The following LARGE1 variants were observed in gnomAD, a reference collection of about 807,000 sequenced individuals.
LARGE1 encodes LARGE xylosyl- and glucuronyltransferase 1.
A neutral mutation model predicts 87.6 loss-of-function variants in LARGE1; 43 were observed. The observed-to-expected ratio is 0.49, with a 90% confidence interval of 0.38 to 0.63. The LOEUF (loss-of-function observed/expected upper bound fraction) is 0.63, where lower values mean the gene tolerates loss of function less well. LARGE1 is among the 30% of genes least tolerant of loss of function. The pLI is 0.00. For missense variants in LARGE1, 802 were observed against 1,000.2 expected (o/e 0.80, Z 2.67); for synonymous variants, 434 against 394.6 (o/e 1.10, Z -1.18).
chr22:33,667,405 G>T (rs1335093285), intron 2 of LARGE1, among the ~76,000 whole-genome samples: 1 of 152,194 alleles, frequency 6.6e-6, no homozygotes, highest in Admixed American at 6.5e-5. Flanking sequence ...CCTCCTACAG[G>T]AAAGGATGCC....
chr22:33,745,885 C>T (rs1284197453), intron 2 of LARGE1, among the ~76,000 whole-genome samples: 1 of 152,134 alleles, frequency 6.6e-6, no homozygotes, highest in Non-Finnish European at 1.5e-5. Flanking sequence ...ACCAACTCTA[C>T]CTGATCCCTG....
chr22:33,534,163 G>A (rs1602294559), intron 6 of LARGE1, among the ~76,000 whole-genome samples: 2 of 152,048 alleles, frequency 1.3e-5, no homozygotes, highest in Admixed American at 6.5e-5. Flanking sequence ...CCAGCACTTT[G>A]GGAGGCCGAG....
At chr22:33,312,438 CAA>C (rs370832626) in intron 11 of LARGE1, among the ~76,000 whole-genome samples, 6 of 56,424 alleles carry the variant, frequency 1.1e-4, no homozygotes, top group Admixed American at 2.0e-4. Flanking sequence ...GACTCTGTCT[CAA>C]AAAAAAAAAA....
intron 9 of LARGE1, among the ~76,000 whole-genome samples, chr22:33,344,364 C>T (rs1939499354): frequency 1.3e-5 from 2 of 149,598 alleles, no homozygotes; most frequent in African/African-American, 4.9e-5. Flanking sequence ...ATACTCTCTT[C>T]CTGAAACTTA....
the LARGE1 span, among the ~76,000 whole-genome samples, chr22:33,148,871 G>C: frequency 1.3e-5 from 2 of 151,654 alleles, no homozygotes; most frequent in South Asian, 4.2e-4. Context: ...TATCCTCTTT[G>C]GTGCAATGTC....
At chr22:33,459,568 T>A (rs2068286306) in intron 6 of LARGE1, among the ~76,000 whole-genome samples, 1 of 152,080 alleles carries the variant, frequency 6.6e-6, no homozygotes. Context: ...ATCTGATATT[T>A]ACATTGCACT....
In LARGE1 at chr22:33,807,846, C is replaced by T. The variant is rs1014899514; in HGVS notation, c.-82-46288G>A. 7.2e-5 allele frequency among the ~76,000 whole-genome samples: 11 copies of T among 152,088 alleles called. 1 individual carries two copies. The highest frequency in any genetic ancestry group is 4.6e-4 in the Admixed American group (7 of 15,286). ...CATGGCTTGATGGCTCATTTCTTTTCGGCGCTGAATAATATTCCATTGCCT... is the reference window on the plus strand; with the variant it reads ...CATGGCTTGATGGCTCATTTCTTTTTGGCGCTGAATAATATTCCATTGCCT... On this transcript the variant is annotated intron_variant, in intron 1 of 14. Coordinates refer to ENST00000397394, the MANE Select transcript of LARGE1 (RefSeq NM_133642.5).
At chr22:33,613,441 C>T (rs1238512777) in intron 4 of LARGE1, among the ~76,000 whole-genome samples, 1 of 152,184 alleles carries the variant, frequency 6.6e-6, no homozygotes, top group Non-Finnish European at 1.5e-5. Flanking sequence ...TTTCACATCC[C>T]ACAGGTCCCT....
the LARGE1 span, among the ~76,000 whole-genome samples, chr22:33,112,163 G>A: frequency 1.8e-4 from 27 of 152,356 alleles, no homozygotes; most frequent in African/African-American, 6.3e-4. Context: ...GCTGGAGCTG[G>A]CAGCCCAGTT....
chr22:33,349,351 T>C (rs545093728), intron 9 of LARGE1, among the ~76,000 whole-genome samples: 20 of 152,336 alleles, frequency 1.3e-4, no homozygotes, highest in South Asian at 1.2e-3. Context: ...GAGAATCTAA[T>C]ATAGGTGTTC....
At chr22:33,614,789 T>C (rs1426945984) in intron 4 of LARGE1, among the ~76,000 whole-genome samples, 1 of 152,188 alleles carries the variant, frequency 6.6e-6, no homozygotes. Context: ...CTACCCTCCA[T>C]GAGACTGTCA....
intron 1 of LARGE1, among the ~76,000 whole-genome samples, chr22:33,762,551 T>C (rs2084771846): frequency 6.6e-6 from 1 of 152,130 alleles, no homozygotes; most frequent in Non-Finnish European, 1.5e-5. Context: ...CTAGGGACTA[T>C]CTTCATAGCT....
At chr22:33,453,721 C>T (rs768001327) in intron 6 of LARGE1, among the ~76,000 whole-genome samples, 4 of 152,180 alleles carry the variant, frequency 2.6e-5, no homozygotes, top group Non-Finnish European at 2.9e-5. Context: ...TCTCGCTAAA[C>T]TCACCTAGGA....
At chr22:33,392,141 C>T (rs1049481474) in intron 7 of LARGE1, among the ~76,000 whole-genome samples, 4 of 139,826 alleles carry the variant, frequency 2.9e-5, no homozygotes, top group East Asian at 2.0e-4. Flanking sequence ...TCTGGGAACA[C>T]ACGCTTCTTC....
chr22:33,814,934 C>T (rs1352024654), intron 1 of LARGE1, among the ~76,000 whole-genome samples: 2 of 152,154 alleles, frequency 1.3e-5, no homozygotes, highest in East Asian at 3.9e-4. Flanking sequence ...ACAACATGTG[C>T]AAGGAACACA....
chr22:33,921,839 T>C (rs1186241690), upstream of LARGE1, among the ~76,000 whole-genome samples: 4 of 151,028 alleles, frequency 2.6e-5, no homozygotes, highest in Non-Finnish European at 5.9e-5. This position sits in a 1 kb window ranked among gnomAD's most constrained non-coding sequence, Gnocchi z 4.1. Flanking sequence ...ACAGGAGAAG[T>C]GGGTGAAATG....
intron 1 of LARGE1, among the ~76,000 whole-genome samples, chr22:33,812,228 A>G (rs1313371552): frequency 2.0e-5 from 3 of 152,172 alleles, no homozygotes; most frequent in Non-Finnish European, 2.9e-5. Context: ...CTGGACCATG[A>G]AGTTAGGGCT....
At chr22:33,527,656 G>A (rs567827862) in intron 6 of LARGE1, among the ~76,000 whole-genome samples, 3 of 152,266 alleles carry the variant, frequency 2.0e-5, no homozygotes, top group African/African-American at 7.2e-5. Flanking sequence ...ACCCTCTTTA[G>A]AGGGAAGGTA....
intron 12 of LARGE1, among the ~76,000 whole-genome samples, chr22:33,298,186 G>A (rs938281038): frequency 1.3e-5 from 2 of 151,974 alleles, no homozygotes; most frequent in African/African-American, 4.8e-5. Flanking sequence ...TTATTAGTTT[G>A]AGCTCCTGTA....
Sources: allele counts gnomAD v4.1 joint callset (sites outside exome capture counted in the v4.1 genomes callset), GRCh38; gene constraint gnomAD v4.1.1; non-coding constraint Gnocchi (gnomAD v3.1); transcripts MANE v1.5; gene names NCBI Gene and HGNC (gene_info 2026-07-23, HGNC 2026-07-21).